The following SRRM4 variants were observed in gnomAD, a reference collection of about 807,000 sequenced individuals.
SRRM4 encodes serine/arginine repetitive matrix protein 4.
SRRM4 carries 33 observed loss-of-function variants against 68.9 expected under a neutral mutation model. The observed-to-expected ratio is 0.48, with a 90% CI of 0.36 to 0.64. SRRM4 has a LOEUF of 0.64. Ranked by LOEUF, SRRM4 falls within the 30% of genes least tolerant of loss-of-function variation. SRRM4 has a pLI of 0.00. For synonymous variants in SRRM4, 318 were observed against 318.8 expected, an observed-to-expected ratio of 1.00 and a Z score of 0.03; for missense variants, 817 against 827.1, an observed-to-expected ratio of 0.99 and a Z score of 0.15.
chr12:119,000,491 C>T (rs907211877), intron 1 of SRRM4, among the ~76,000 whole-genome samples: 67 of 152,300 alleles, frequency 4.4e-4, no homozygotes, highest in African/African-American at 1.1e-3. Context: ...CTGTGTTTCT[C>T]GTGACTGGCC....
At chr12:119,142,647 G>T (rs1954372377) in intron 8 of SRRM4, among the ~76,000 whole-genome samples, 1 of 152,172 alleles carries the variant, frequency 6.6e-6, no homozygotes, top group Admixed American at 6.5e-5. Flanking sequence ...GTACTCACAG[G>T]CCCCTGTCCT....
intron 1 of SRRM4, among the ~76,000 whole-genome samples, chr12:119,053,598 T>A (rs1012547386): frequency 3.9e-5 from 6 of 152,188 alleles, no homozygotes; most frequent in Admixed American, 6.5e-5. Context: ...TGTGAAATAA[T>A]TATATAAAGC....
intron 4 of SRRM4, among the ~76,000 whole-genome samples, chr12:119,118,437 G>A (rs553716661): frequency 6.6e-6 from 1 of 152,180 alleles, no homozygotes; most frequent in African/African-American, 2.4e-5. Context: ...CCCAATCCAG[G>A]GATATGACCA....
intron 9 of SRRM4, among the ~76,000 whole-genome samples, chr12:119,146,314 T>G (rs149284630): frequency 6.6e-6 from 1 of 152,098 alleles, no homozygotes; most frequent in African/African-American, 2.4e-5. Flanking sequence ...TGACCAGGCG[T>G]GGTGGCTCAC....
In SRRM4 at chr12:118,982,127, G is replaced by A; in HGVS notation, c.131+114G>A. 2.3e-6 allele frequency: 3 copies of A among 1,324,600 alleles called. No homozygotes were observed. In the South Asian group the frequency reaches 4.5e-5, roughly 20 times the overall value. 82.1% of individuals were successfully genotyped at this position (1,324,600 alleles called of 1,614,324 possible). On this transcript the variant is annotated intron_variant, in intron 1 of 12. Transcript: ENST00000267260. ...CGGGCCAGGGCGCCTGTCTTTTCCC[G>A]TCACTACTCGGCGGCTCCCGCTGAA... is the stretch of plus-strand genomic sequence containing the variant.
intron 1 of SRRM4, among the ~76,000 whole-genome samples, chr12:119,023,347 C>T (rs1446225812): frequency 6.6e-6 from 1 of 152,196 alleles, no homozygotes; most frequent in Non-Finnish European, 1.5e-5. Context: ...AGCTTAGTAC[C>T]TGAGAGGGAC....
At chr12:119,102,999 T>A (rs1295828390) in intron 2 of SRRM4, among the ~76,000 whole-genome samples, 1 of 152,128 alleles carries the variant, frequency 6.6e-6, no homozygotes, top group Non-Finnish European at 1.5e-5. Flanking sequence ...AGCCACTAAG[T>A]GGCAGAGTGA....
intron 1 of SRRM4, among the ~76,000 whole-genome samples, chr12:119,038,366 C>T (rs1156894134): frequency 6.6e-6 from 1 of 152,230 alleles, no homozygotes; most frequent in African/African-American, 2.4e-5. Flanking sequence ...CACCCGCCAC[C>T]ATGCCTGGCT....
intron 1 of SRRM4, among the ~76,000 whole-genome samples, chr12:119,033,044 CT>C (rs1393547835): frequency 6.6e-6 from 1 of 151,946 alleles, no homozygotes. Flanking sequence ...TTATTGTTGA[CT>C]TTTTTCAAGA....
At chr12:119,059,343 C>T (rs1233910550) in intron 1 of SRRM4, among the ~76,000 whole-genome samples, 3 of 152,048 alleles carry the variant, frequency 2.0e-5, no homozygotes, top group Admixed American at 6.6e-5. Flanking sequence ...GATACAGGTA[C>T]CAGTTAATAA....
chr12:119,121,552 A>G (rs1055227331), intron 5 of SRRM4, among the ~76,000 whole-genome samples: 3 of 152,208 alleles, frequency 2.0e-5, no homozygotes. Flanking sequence ...TTATAAATTG[A>G]TTGAACAGCA....
chr12:119,072,829 T>A (rs1953886085), intron 1 of SRRM4, among the ~76,000 whole-genome samples: 2 of 152,186 alleles, frequency 1.3e-5, no homozygotes, highest in Non-Finnish European at 2.9e-5. Flanking sequence ...AATTGCCCTG[T>A]GAGTTGGCCA....
chr12:118,995,992 C>T (rs1237790230), intron 1 of SRRM4, among the ~76,000 whole-genome samples: 1 of 152,052 alleles, frequency 6.6e-6, no homozygotes, highest in Non-Finnish European at 1.5e-5. Context: ...TTTCTTTTTT[C>T]TTTTCCCATT....
At chr12:118,998,981 A>G (rs1167404935) in intron 1 of SRRM4, among the ~76,000 whole-genome samples, 4 of 152,206 alleles carry the variant, frequency 2.6e-5, no homozygotes, top group Non-Finnish European at 4.4e-5. Flanking sequence ...GTTGAGTTTA[A>G]GGTTGGGCAT....
At chr12:119,053,642 C>T (rs1953758698) in intron 1 of SRRM4, among the ~76,000 whole-genome samples, 1 of 152,218 alleles carries the variant, frequency 6.6e-6, no homozygotes, top group African/African-American at 2.4e-5. Flanking sequence ...GAAACACCTG[C>T]TGTGCGTATT....
rs1289346469 is a variant in SRRM4, at chr12:119,156,626, G to A, written c.1664G>A (p.Arg555Gln). 1.3e-6 allele frequency: 2 copies of A among 1,598,870 alleles called. No individual in the cohort carries two copies. Among genetic ancestry groups the A allele is most frequent in the African/African-American group, 1.3e-5 (1 of 74,476 alleles). ...CGCAGCTACTCCCGGAGCCGGAGTC[G>A]GAGCCGGAGCCGGAGACGGAGCCGG... is the stretch of plus-strand genomic sequence containing the variant. ...ASRSYSRSRS[R>Q]SRSRRRSRTR... Residue 555 changes from arginine to glutamine, a missense_variant, in exon 13 of 13, where the codon CGG becomes CAG. Physicochemically the swap from Arg to Gln is conservative, Grantham distance 43. Coordinates refer to ENST00000267260, the MANE Select transcript of SRRM4 (RefSeq NM_194286.4).
chr12:118,990,453 A>G (rs932138541), intron 1 of SRRM4, among the ~76,000 whole-genome samples: 1 of 152,206 alleles, frequency 6.6e-6, no homozygotes, highest in Non-Finnish European at 1.5e-5. Flanking sequence ...TGTCATCTTA[A>G]TTCAGTGTGC....
At chr12:119,068,018 T>A (rs138517920) in intron 1 of SRRM4, among the ~76,000 whole-genome samples, 1 of 152,344 alleles carries the variant, frequency 6.6e-6, no homozygotes, top group East Asian at 1.9e-4. Flanking sequence ...ACCTAGCAGA[T>A]GTTGACAGAA....
chr12:119,107,887 G>A (rs539625720), intron 2 of SRRM4, among the ~76,000 whole-genome samples: 1 of 152,090 alleles, frequency 6.6e-6, no homozygotes, highest in African/African-American at 2.4e-5. Flanking sequence ...TGCTTCTCTA[G>A]TTCTTTTAAT....
Sources: allele counts gnomAD v4.1 joint callset (sites outside exome capture counted in the v4.1 genomes callset), GRCh38; gene constraint gnomAD v4.1.1; transcripts MANE v1.5; gene names NCBI Gene and HGNC (gene_info 2026-07-23, HGNC 2026-07-21).